Variants in KIF26B observed in about 807,000 individuals in gnomAD.
The protein encoded by KIF26B is kinesin-like protein KIF26B.
A neutral mutation model predicts 151.2 loss-of-function variants in KIF26B; 63 were observed. The ratio of observed to expected loss-of-function variants is 0.42; its 90% CI spans 0.34 to 0.51. The LOEUF is 0.51. KIF26B is among the 20% of genes least tolerant of loss of function. The pLI, the probability that KIF26B is intolerant of heterozygous loss-of-function variation, is 0.07. For missense variants in KIF26B, 2,813 were observed against 2,913.6 expected (o/e 0.97, Z 0.79); for synonymous variants, 1,357 against 1,262.1 (o/e 1.08, Z -1.59).
intron 2 of KIF26B, among the ~76,000 whole-genome samples, chr1:245,334,734 C>G (rs1252251126): frequency 6.6e-6 from 1 of 152,178 alleles, no homozygotes; most frequent in African/African-American, 2.4e-5. Flanking sequence ...GAGTGTGTGT[C>G]TATTTTCTGC....
intron 5 of KIF26B, among the ~76,000 whole-genome samples, chr1:245,547,549 G>A (rs1661772650): frequency 1.5e-5 from 2 of 135,954 alleles, no homozygotes; most frequent in South Asian, 4.6e-4. Flanking sequence ...CGCCACCACT[G>A]CACTCCAGGC....
At chr1:245,638,679 G>A (rs2043858333) in intron 9 of KIF26B, among the ~76,000 whole-genome samples, 1 of 151,720 alleles carries the variant, frequency 6.6e-6, no homozygotes, top group Non-Finnish European at 1.5e-5. Flanking sequence ...AATTTGTTGA[G>A]GATTTTCATC....
intron 2 of KIF26B, among the ~76,000 whole-genome samples, chr1:245,288,743 C>A (rs540184629): frequency 6.6e-6 from 1 of 152,148 alleles, no homozygotes; most frequent in Non-Finnish European, 1.5e-5. Context: ...TGAATTAGTT[C>A]TTATAACCTC....
chr1:245,540,733 C>A lies in KIF26B; in HGVS notation c.1167-34C>A, dbSNP rs374191588. 5.4e-5 allele frequency: 85 copies of A among 1,576,520 alleles called. No individual in the cohort carries two copies. The highest frequency in any genetic ancestry group is 7.1e-5 in the Non-Finnish European group (81 of 1,145,890). On this transcript the variant is annotated intron_variant, in intron 4 of 14. Coordinates refer to ENST00000407071, the MANE Select transcript of KIF26B (RefSeq NM_018012.4). This position sits in a 1 kb window ranked among gnomAD's most constrained non-coding sequence, Gnocchi z 4.6. ...AGCCTAGCAGATCTGATCGTACAATCATTTTCCCCTTATTGTTCCTTTTTC... is the reference window on the plus strand; with the variant it reads ...AGCCTAGCAGATCTGATCGTACAATAATTTTCCCCTTATTGTTCCTTTTTC...
intron 5 of KIF26B, among the ~76,000 whole-genome samples, chr1:245,549,622 G>A (rs1661829994): frequency 1.3e-5 from 2 of 152,176 alleles, no homozygotes; most frequent in African/African-American, 4.8e-5. Flanking sequence ...AGTCCAAACT[G>A]CTGAGTTAAT....
In KIF26B at chr1:245,563,965, A is replaced by T. The variant is rs1715779; in HGVS notation, c.1350+23015A>T. Among the ~76,000 whole-genome samples, 115 of 152,030 alleles carry T rather than the reference A, an allele frequency of 7.6e-4. No individual in the cohort carries two copies. Among genetic ancestry groups the T allele is most frequent in the South Asian group, 3.1e-3 (15 of 4,824 alleles). ...TCTGTTTCTGCACTCTCTTCGGTGC[A>T]TCCTCTGAACCACCAGAATTAGGTT... On this transcript the variant is annotated intron_variant, in intron 5 of 14. Transcript: ENST00000407071. This position sits in a 1 kb window ranked among gnomAD's most constrained non-coding sequence, Gnocchi z 4.6.
chr1:245,640,143 C>CTATATA (rs1166040223), intron 9 of KIF26B, among the ~76,000 whole-genome samples: 3 of 31,912 alleles, frequency 9.4e-5, no homozygotes, highest in African/African-American at 2.8e-4. Context: ...CTCTCTCTCT[C>CTATATA]TATATATATA....
Position 245,656,181 on chromosome 1 carries a change from G to A in KIF26B, c.2258+9901G>A, listed in dbSNP as rs370789961. 7.2e-4 allele frequency among the ~76,000 whole-genome samples: 109 copies of A among 152,280 alleles called. 4 individuals carry two copies. The South Asian group carries it at 0.014, about 19-fold the overall frequency. ...AGCAGGAATACAGACACTGAGCACCGAGTAACTGATAATATACGCACATCA... is the reference window on the plus strand; with the variant it reads ...AGCAGGAATACAGACACTGAGCACCAAGTAACTGATAATATACGCACATCA... On this transcript the variant is annotated intron_variant, in intron 10 of 14. Coordinates refer to ENST00000407071, the MANE Select transcript of KIF26B (RefSeq NM_018012.4).
chr1:245,451,532 G>A (rs576253986), intron 4 of KIF26B, among the ~76,000 whole-genome samples: 73 of 146,596 alleles, frequency 5.0e-4, no homozygotes, highest in Non-Finnish European at 9.1e-4. Context: ...TTTCACTTGA[G>A]AAGGTGTATT....
In KIF26B at chr1:245,481,723, G is replaced by T. The variant is rs750262043; in HGVS notation, c.1167-59044G>T. Among the ~76,000 whole-genome samples the T allele has an allele frequency of 4.3e-4, 64 of 149,534 alleles. 1 individual carries two copies. Among genetic ancestry groups the T allele is most frequent in the East Asian group, 3.9e-4 (2 of 5,124 alleles). ...ATGTGGCCAAGCGTTGATTATTATTGTAAGAGATGAATACAAATGTTATCA... is the reference window on the plus strand; with the variant it reads ...ATGTGGCCAAGCGTTGATTATTATTTTAAGAGATGAATACAAATGTTATCA... On this transcript the variant is annotated intron_variant, in intron 4 of 14. Transcript: ENST00000407071.
rs1455823201 is a variant in KIF26B at position 245,309,438 on chromosome 1, A to G, written c.466-57396A>G. On this transcript the variant is annotated intron_variant, in intron 2 of 14. Transcript: ENST00000407071. ...CTGGGACATGCTGCTTTGGGACTCC[A>G]GCTGAAACATCAGTTCTTCCTGGGT... 2.0e-5 allele frequency among the ~76,000 whole-genome samples: 3 copies of G among 151,998 alleles called. No homozygotes were observed. In the East Asian group the frequency reaches 5.8e-4, roughly 29 times the overall value.
intron 2 of KIF26B, among the ~76,000 whole-genome samples, chr1:245,246,108 A>AG (rs1670325896): frequency 1.3e-5 from 1 of 78,884 alleles, no homozygotes; most frequent in Admixed American, 1.5e-4. Context: ...GAAAAAAAAA[A>AG]AAAAAAAGAA....
intron 2 of KIF26B, among the ~76,000 whole-genome samples, chr1:245,315,263 T>C (rs1331545367): frequency 6.6e-6 from 1 of 151,552 alleles, no homozygotes; most frequent in South Asian, 2.1e-4. Flanking sequence ...AGTTTCAGTC[T>C]GAGTTGATGA....
At chr1:245,538,208 C>T (rs1453926499) in intron 4 of KIF26B, among the ~76,000 whole-genome samples, 1 of 152,106 alleles carries the variant, frequency 6.6e-6, no homozygotes, top group Non-Finnish European at 1.5e-5. Context: ...AGTCATGGGA[C>T]ACATGCCTGA....
chr1:245,467,484 C>T (rs1659820794), intron 4 of KIF26B, among the ~76,000 whole-genome samples: 1 of 152,174 alleles, frequency 6.6e-6, no homozygotes, highest in Non-Finnish European at 1.5e-5. Context: ...GGAGTGACTG[C>T]AAACAAAAAG....
intron 2 of KIF26B, among the ~76,000 whole-genome samples, chr1:245,290,185 GA>G (rs1424087569): frequency 2.0e-5 from 3 of 151,982 alleles, no homozygotes; most frequent in African/African-American, 7.3e-5. Context: ...TTGAATGAAT[GA>G]ATGAATGAAT....
chr1:245,466,336 G>C (rs1336948776), intron 4 of KIF26B, among the ~76,000 whole-genome samples: 1 of 152,160 alleles, frequency 6.6e-6, no homozygotes, highest in Non-Finnish European at 1.5e-5. Context: ...TTCTTTTCTT[G>C]TTTCTCTGTC....
At chr1:245,628,065 A>G (rs10754464) in intron 9 of KIF26B, among the ~76,000 whole-genome samples, 114,232 of 152,100 alleles carry the variant, frequency 0.75, 42,990 homozygotes, top group East Asian at 0.89. Context: ...ACGAGGAGCT[A>G]GTACCATTCC....
chr1:245,540,953 A>G lies in KIF26B; in HGVS notation c.1350+3A>G. On this transcript the variant is annotated splice_donor_region_variant and intron_variant, in intron 5 of 14. Coordinates refer to ENST00000407071, the MANE Select transcript of KIF26B (RefSeq NM_018012.4). The surrounding 1 kb of genome is among the most constrained non-coding windows in gnomAD (Gnocchi z 4.6). ...AGGACACCCCGGGGCTGGGCAAGGT[A>G]GGACCATCCGCCGTCCCTGCCATTT... The G allele has an allele frequency of 6.2e-7, 1 of 1,603,874 alleles. No homozygotes were observed. The highest frequency in any genetic ancestry group is 1.3e-5 in the African/African-American group (1 of 74,856).
Sources: allele counts gnomAD v4.1 joint callset (sites outside exome capture counted in the v4.1 genomes callset), GRCh38; gene constraint gnomAD v4.1.1; non-coding constraint Gnocchi (gnomAD v3.1); transcripts MANE v1.5; gene names NCBI Gene and HGNC (gene_info 2026-07-23, HGNC 2026-07-21).